The following DEPTOR variants were observed in gnomAD, a reference collection of about 807,000 sequenced individuals.
DEPTOR encodes DEP domain containing MTOR interacting protein, also known as DEP domain-containing mTOR-interacting protein.
A neutral mutation model predicts 41.6 loss-of-function variants in DEPTOR; 41 were observed. The ratio of observed to expected loss-of-function variants is 0.98; its 90% confidence interval spans 0.77 to 1.28. The LOEUF is 1.28. Among genes scored for constraint, DEPTOR ranks in the 50% most tolerant of loss-of-function variants. DEPTOR has a pLI of 0.00. For missense variants in DEPTOR, 514 were observed against 527.9 expected (o/e 0.97, Z 0.26); for synonymous variants, 195 against 192.3 (o/e 1.01, Z -0.12).
chr8:119,911,635 C>T (rs1158417372), intron 1 of DEPTOR, among the ~76,000 whole-genome samples: 1 of 152,160 alleles, frequency 6.6e-6, no homozygotes, highest in Non-Finnish European at 1.5e-5. Flanking sequence ...TGTACACATT[C>T]TGTGAAGAAT....
chr8:119,907,994 A>G (rs539366957), intron 1 of DEPTOR, among the ~76,000 whole-genome samples: 2 of 152,156 alleles, frequency 1.3e-5, no homozygotes, highest in Non-Finnish European at 2.9e-5. Context: ...TGGGACACCT[A>G]GCTAGCCTCA....
At chr8:120,019,760 A>C (rs1586660611) in intron 8 of DEPTOR, among the ~76,000 whole-genome samples, 1 of 152,322 alleles carries the variant, frequency 6.6e-6, no homozygotes, top group Non-Finnish European at 1.5e-5. Context: ...CAGCTTGTGA[A>C]ATAAATCTGA....
At chr8:119,942,209 G>T (rs1420033284) in intron 3 of DEPTOR, among the ~76,000 whole-genome samples, 1 of 152,140 alleles carries the variant, frequency 6.6e-6, no homozygotes, top group Non-Finnish European at 1.5e-5. Flanking sequence ...TTGATTTATT[G>T]ATTGATTTTT....
chr8:120,006,647 T>G (rs1812442457), intron 6 of DEPTOR, among the ~76,000 whole-genome samples, 158 bp from the exon 7 acceptor site: 1 of 152,176 alleles, frequency 6.6e-6, no homozygotes, highest in South Asian at 2.1e-4. Context: ...TTGCTGCTAT[T>G]TACTGTCTCC....
rs768884561 is a variant in DEPTOR at position 119,928,503 on chromosome 8, C to T, written c.226C>T (p.His76Tyr). ...AKELIDWLIE[H>Y]KEASDRETAI... ...AGAACTGATTGACTGGCTGATTGAACACAAAGAGGCTTCTGACAGAGAGAC... is the reference window on the plus strand; with the variant it reads ...AGAACTGATTGACTGGCTGATTGAATACAAAGAGGCTTCTGACAGAGAGAC... The change falls in exon 2 of 9, where the codon CAC becomes TAC. Residue 76 changes from histidine to tyrosine, a missense_variant. His to Tyr is a moderately conservative substitution (Grantham distance 83). Coordinates refer to ENST00000286234, the MANE Select transcript of DEPTOR (RefSeq NM_022783.4). 4 of 1,614,054 alleles carry T rather than the reference C, an allele frequency of 2.5e-6. No homozygotes were observed. Among genetic ancestry groups the T allele is most frequent in the Non-Finnish European group, 3.4e-6 (4 of 1,180,028 alleles).
chr8:120,032,024 A>T (rs911777303), intron 8 of DEPTOR, among the ~76,000 whole-genome samples: 1 of 152,180 alleles, frequency 6.6e-6, no homozygotes, highest in South Asian at 2.1e-4. Context: ...GAGTGAGAAC[A>T]ACTTGGAAAC....
chr8:119,924,281 T>C (rs6469877), intron 1 of DEPTOR, among the ~76,000 whole-genome samples: 32,743 of 152,118 alleles, frequency 0.22, 4,061 homozygotes, highest in African/African-American at 0.33. Context: ...AAATTTATTA[T>C]TGAGTTTGGG....
At chr8:120,038,380 G>A (rs1191695603) in intron 8 of DEPTOR, among the ~76,000 whole-genome samples, 2 of 151,770 alleles carry the variant, frequency 1.3e-5, no homozygotes, top group African/African-American at 4.8e-5. Flanking sequence ...CAGGTGGATC[G>A]CCTGAGCTCA....
At chr8:119,930,686 A>G (rs1828031020) in intron 3 of DEPTOR, among the ~76,000 whole-genome samples, 2 of 152,144 alleles carry the variant, frequency 1.3e-5, no homozygotes, top group Admixed American at 6.6e-5. Context: ...ATGAGGAACA[A>G]GTTTCAGCCC....
intron 1 of DEPTOR, among the ~76,000 whole-genome samples, chr8:119,913,309 G>A (rs1161988487): frequency 6.6e-6 from 1 of 152,152 alleles, no homozygotes; most frequent in East Asian, 1.9e-4. Context: ...GGAGTGGTCT[G>A]GAAAACAAAA....
chr8:119,957,801 A>G (rs1185282884), intron 3 of DEPTOR, among the ~76,000 whole-genome samples: 1 of 151,928 alleles, frequency 6.6e-6, no homozygotes, highest in Non-Finnish European at 1.5e-5. Context: ...GTTGGCCAGG[A>G]TGGTCTTGAA....
chr8:119,894,439 C>T (rs1351613369), intron 1 of DEPTOR, among the ~76,000 whole-genome samples: 2 of 131,700 alleles, frequency 1.5e-5, no homozygotes, highest in Non-Finnish European at 3.3e-5. Flanking sequence ...CTCTGTTGCC[C>T]AGCCTGGAGT....
rs538456841 is a variant in DEPTOR at position 119,930,023 on chromosome 8, G to A, written c.425+85G>A. The A allele has an allele frequency of 2.4e-5, 35 of 1,470,122 alleles. No individual in the cohort carries two copies. In the East Asian group the frequency reaches 3.1e-4, roughly 13 times the overall value. The allele number at this position is 1,470,122 out of a possible 1,614,324, so 91.1% of individuals were successfully genotyped here. A position where few individuals can be genotyped will look rare whatever the true frequency, so the allele number is the denominator to read the frequency against. On this transcript the variant is annotated intron_variant, in intron 3 of 8. Transcript: ENST00000286234. The stretch of plus-strand genomic sequence containing the variant: ...CCAGTCTCATTATGTTGATTTCAGC[G>A]TGGCTTTTCTATGTGGGCTGGTTAC...
At chr8:120,006,940 A>C (rs1812448487) in intron 7 of DEPTOR, 65 bp downstream of exon 7, 1 of 1,459,128 alleles carries the variant, frequency 6.9e-7, no homozygotes, top group South Asian at 1.1e-5. Flanking sequence ...TCCATGTGTC[A>C]ATGGGTAGCT....
chr8:119,982,707 C>T (rs1266366230), intron 4 of DEPTOR, among the ~76,000 whole-genome samples: 2 of 152,162 alleles, frequency 1.3e-5, no homozygotes, highest in Non-Finnish European at 2.9e-5. Context: ...TCTTAGTGTA[C>T]ACCAGGCCTC....
chr8:119,899,070 C>T (rs1406204232), intron 1 of DEPTOR, among the ~76,000 whole-genome samples: 1 of 152,152 alleles, frequency 6.6e-6, no homozygotes, highest in Non-Finnish European at 1.5e-5. Flanking sequence ...TTTGGTGAAC[C>T]CTCTATCAGC....
intron 4 of DEPTOR, among the ~76,000 whole-genome samples, chr8:119,981,132 T>C (rs1828761806): frequency 6.6e-6 from 1 of 152,196 alleles, no homozygotes; most frequent in Non-Finnish European, 1.5e-5. Context: ...AACTGTTCTA[T>C]GGCCTCCATG....
At chr8:119,985,959 G>A (rs142616666) in intron 4 of DEPTOR, among the ~76,000 whole-genome samples, 3,066 of 147,762 alleles carry the variant, frequency 0.021, 116 homozygotes, top group African/African-American at 0.072. Flanking sequence ...ACAGCACACC[G>A]ATGGGTTTTG....
At chr8:119,924,385 A>T (rs904999587) in intron 1 of DEPTOR, among the ~76,000 whole-genome samples, 5 of 152,164 alleles carry the variant, frequency 3.3e-5, no homozygotes, top group African/African-American at 1.2e-4. Context: ...TAATCAGAAG[A>T]CAGAAAACTC....
Sources: gnomAD v4.1 joint callset for allele counts (sites outside exome capture counted in the v4.1 genomes callset) on GRCh38, gnomAD v4.1.1 for gene constraint, MANE v1.5 for transcripts, NCBI Gene and HGNC (gene_info 2026-07-23, HGNC 2026-07-21) for gene names.